The following COL25A1 variants were observed in gnomAD, a reference collection of about 807,000 sequenced individuals.
The protein encoded by COL25A1 is collagen alpha-1(XXV) chain.
COL25A1 carries 103 observed loss-of-function variants against 128.4 expected under a neutral mutation model. The ratio of observed to expected loss-of-function variants is 0.80; its 90% CI spans 0.68 to 0.94. COL25A1 has a LOEUF of 0.94. Ranked by LOEUF, COL25A1 falls within the 40% of genes least tolerant of loss-of-function variation. The probability of loss-of-function intolerance (pLI) is 0.00; values close to 1 mark genes in which losing one functional copy is unlikely to be tolerated. For synonymous variants in COL25A1, 279 were observed against 277.2 expected (o/e 1.01, Z -0.06); for missense variants, 745 against 840.0 (o/e 0.89, Z 1.40).
chr4:109,273,340 T>C (rs1269152066), intron 3 of COL25A1, among the ~76,000 whole-genome samples: 4 of 152,188 alleles, frequency 2.6e-5, no homozygotes, highest in African/African-American at 9.7e-5. Context: ...TTTATTAAAC[T>C]AGATGCTAAT....
Position 109,215,015 on chromosome 4 carries a change from G to T in COL25A1, c.367+85568C>A, listed in dbSNP as rs539827153. Among the ~76,000 whole-genome samples, 5 of 152,230 alleles carry T rather than the reference G, an allele frequency of 3.3e-5. No homozygotes were observed. In the East Asian group the frequency reaches 9.7e-4, roughly 29 times the overall value. On this transcript the variant is annotated intron_variant, in intron 3 of 37. Coordinates refer to ENST00000399132, the MANE Select transcript of COL25A1 (RefSeq NM_198721.4). ...CTGGAGATTTTTCCCTTAGCTTGAT[G>T]CATTGCCTTTTGATGAACATTTATC... is the stretch of plus-strand genomic sequence containing the variant.
At chr4:109,239,156 A>G (rs765069871) in intron 3 of COL25A1, among the ~76,000 whole-genome samples, 1 of 151,922 alleles carries the variant, frequency 6.6e-6, no homozygotes, top group Non-Finnish European at 1.5e-5. Flanking sequence ...TGATGGGGAT[A>G]CATTCTGAGA....
At chr4:108,879,104 T>TAA (rs1023414992) in intron 19 of COL25A1, among the ~76,000 whole-genome samples, 1 of 152,216 alleles carries the variant, frequency 6.6e-6, no homozygotes, top group African/African-American at 2.4e-5. Context: ...GCACTGTACT[T>TAA]AATCCTAGGA....
chr4:109,236,329 A>G (rs1779478388), intron 3 of COL25A1, among the ~76,000 whole-genome samples: 1 of 152,092 alleles, frequency 6.6e-6, no homozygotes, highest in Admixed American at 6.6e-5. Context: ...TAAGAAACCA[A>G]GATTTGTTTC....
chr4:109,175,942 A>G (rs144036885), intron 3 of COL25A1, among the ~76,000 whole-genome samples: 173 of 152,360 alleles, frequency 1.1e-3, no homozygotes, highest in African/African-American at 4.0e-3. Context: ...ACCTTAACTT[A>G]TAGTGAAGAA....
intron 6 of COL25A1, 88 bp from the exon 7 acceptor site, chr4:108,974,647 C>G (rs1333640784): frequency 1.8e-6 from 2 of 1,088,946 alleles, no homozygotes; most frequent in African/African-American, 3.2e-5. Flanking sequence ...AAGATTCATT[C>G]AAAGAATACA....
chr4:108,888,794 A>T (rs1443085862), intron 18 of COL25A1, among the ~76,000 whole-genome samples: 3 of 152,236 alleles, frequency 2.0e-5, no homozygotes, highest in Admixed American at 6.5e-5. Flanking sequence ...TAATTCATAA[A>T]GAATTGTCCA....
At chr4:109,223,397 T>A (rs1350218833) in intron 3 of COL25A1, among the ~76,000 whole-genome samples, 2 of 151,862 alleles carry the variant, frequency 1.3e-5, no homozygotes, top group East Asian at 3.9e-4. Context: ...TATTCCACAT[T>A]TCCCCCCCCC....
intron 11 of COL25A1, among the ~76,000 whole-genome samples, chr4:108,928,075 A>G (rs1313181851): frequency 7.9e-5 from 12 of 152,316 alleles, no homozygotes; most frequent in Middle Eastern, 3.4e-3. Flanking sequence ...AAAGAAAGAA[A>G]AATTAACAGG....
At chr4:108,868,606 AAAAGAAAG>A (rs61280631) in intron 20 of COL25A1, among the ~76,000 whole-genome samples, 113 of 147,086 alleles carry the variant, frequency 7.7e-4, no homozygotes, top group East Asian at 4.0e-4. Context: ...GAAAGAAAGA[AAAAGAAAG>A]AAAGAAAGAA....
At chr4:109,244,095 T>C (rs1216788784) in intron 3 of COL25A1, among the ~76,000 whole-genome samples, 3 of 151,422 alleles carry the variant, frequency 2.0e-5, no homozygotes, top group African/African-American at 7.3e-5. Context: ...ACACAAACAC[T>C]GTCCTCTTTA....
intron 6 of COL25A1, among the ~76,000 whole-genome samples, chr4:108,976,211 T>G (rs981296880): frequency 1.3e-5 from 2 of 152,220 alleles, no homozygotes; most frequent in Admixed American, 1.3e-4. Flanking sequence ...AGCCAAAAAC[T>G]TCATTATTTT....
chr4:108,833,942 C>A (rs1733467025), intron 31 of COL25A1, among the ~76,000 whole-genome samples: 1 of 152,156 alleles, frequency 6.6e-6, no homozygotes, highest in South Asian at 2.1e-4. Flanking sequence ...GGACATCAGT[C>A]TAAAAGGAAA....
chr4:109,216,456 G>C (rs1214561611), intron 3 of COL25A1, among the ~76,000 whole-genome samples: 1 of 152,110 alleles, frequency 6.6e-6, no homozygotes, highest in African/African-American at 2.4e-5. Flanking sequence ...ACCTTATTTG[G>C]AAATGGTCTT....
At chr4:109,207,366 C>G (rs1777095876) in intron 3 of COL25A1, among the ~76,000 whole-genome samples, 5 of 152,092 alleles carry the variant, frequency 3.3e-5, no homozygotes, top group Admixed American at 2.6e-4. Flanking sequence ...CTTCCTGGAG[C>G]ATAGTTACAG....
chr4:108,819,082 G>C (rs1731520494), intron 36 of COL25A1, among the ~76,000 whole-genome samples, 170 bp downstream of exon 36: 2 of 152,196 alleles, frequency 1.3e-5, no homozygotes, highest in South Asian at 4.1e-4. Flanking sequence ...AGAAACGCGT[G>C]CTTGCTCTCT....
At chr4:109,281,070 T>C (rs1240090440) in intron 3 of COL25A1, among the ~76,000 whole-genome samples, 4 of 152,160 alleles carry the variant, frequency 2.6e-5, no homozygotes, top group Non-Finnish European at 5.9e-5. Flanking sequence ...GACTTTAATA[T>C]TAAATAGGAA....
chr4:109,239,392 G>GTATATATATATATA (rs1470443522), intron 3 of COL25A1, among the ~76,000 whole-genome samples: 1 of 95,268 alleles, frequency 1.0e-5, no homozygotes, highest in African/African-American at 5.4e-5. Context: ...GTGTGTGTGT[G>GTATATATATATATA]TGTATATATA....
At chr4:108,939,103 T>C (rs969253736) in intron 10 of COL25A1, among the ~76,000 whole-genome samples, 1 of 152,244 alleles carries the variant, frequency 6.6e-6, no homozygotes, top group African/African-American at 2.4e-5. Flanking sequence ...ATCTTGAATT[T>C]CAGTATAGTA....
Sources: gnomAD v4.1 joint callset for allele counts (sites outside exome capture counted in the v4.1 genomes callset) on GRCh38, gnomAD v4.1.1 for gene constraint, MANE v1.5 for transcripts, NCBI Gene and HGNC (gene_info 2026-07-23, HGNC 2026-07-21) for gene names.